Variants in CADM2 observed in about 807,000 individuals in gnomAD.
The protein encoded by CADM2 is cell adhesion molecule 2.
CADM2 carries 12 observed loss-of-function variants against 49.8 expected under a neutral mutation model. The ratio of observed to expected loss-of-function variants is 0.24; its 90% CI spans 0.15 to 0.39. The LOEUF is 0.39. CADM2 is among the 10% of genes least tolerant of loss of function. The probability of loss-of-function intolerance (pLI) is 1.00; values close to 1 mark genes in which losing one functional copy is unlikely to be tolerated. For missense variants in CADM2, 378 were observed against 492.3 expected (o/e 0.77, Z 2.20); for synonymous variants, 214 against 175.4 (o/e 1.22, Z -1.74).
At chr3:85,153,744 G>A (rs2040009501) in intron 1 of CADM2, among the ~76,000 whole-genome samples, 1 of 152,126 alleles carries the variant, frequency 6.6e-6, no homozygotes, top group African/African-American at 2.4e-5. Context: ...GGAGATCTGA[G>A]AACGGGCAGA....
At chr3:85,756,045 A>G (rs1056408412) in intron 2 of CADM2, among the ~76,000 whole-genome samples, 1 of 152,176 alleles carries the variant, frequency 6.6e-6, no homozygotes, top group Non-Finnish European at 1.5e-5. Context: ...CCTTGTTAGC[A>G]TAAACTCAAG....
At chr3:85,807,329 T>C (rs1033800013) in intron 3 of CADM2, among the ~76,000 whole-genome samples, 1 of 151,756 alleles carries the variant, frequency 6.6e-6, no homozygotes, top group African/African-American at 2.4e-5. Flanking sequence ...CGAAAAACCA[T>C]CTCTACTAAA....
chr3:85,570,332 A>G (rs1235713317), intron 1 of CADM2, among the ~76,000 whole-genome samples: 1 of 152,156 alleles, frequency 6.6e-6, no homozygotes, highest in African/African-American at 2.4e-5. Flanking sequence ...CAAGAAGAGC[A>G]CCAAATATTA....
intron 1 of CADM2, among the ~76,000 whole-genome samples, chr3:85,523,591 T>C (rs1331575391): frequency 1.3e-5 from 2 of 151,994 alleles, no homozygotes; most frequent in Non-Finnish European, 2.9e-5. Flanking sequence ...CTGAAATTTT[T>C]TTCTGGAGCT....
chr3:85,472,769 T>C (rs921510072), intron 1 of CADM2, among the ~76,000 whole-genome samples: 1 of 152,012 alleles, frequency 6.6e-6, no homozygotes, highest in African/African-American at 2.4e-5. Context: ...GATCCTATTA[T>C]TGTCACTCAT....
Position 84,959,154 on chromosome 3 carries a change from C to T in CADM2, c.-454C>T. 5.1e-6 allele frequency: 1 copy of T among 197,688 alleles called. No homozygotes were observed. The allele number at this position is 197,688 out of a possible 1,614,324, so 12.2% of individuals were successfully genotyped here. ...GACCCCGAGACACCCCGGGCGCGAG[C>T]GGCAGTGCTGCTTGCTTGCTCCTCC... On this transcript the variant is annotated 5_prime_UTR_variant, in exon 1 of 10. Transcript: ENST00000383699.
At chr3:85,920,012 C>A (rs866952186) in intron 6 of CADM2, among the ~76,000 whole-genome samples, 1 of 151,746 alleles carries the variant, frequency 6.6e-6, no homozygotes, top group Non-Finnish European at 1.5e-5. Flanking sequence ...TAATAAAGTT[C>A]TTATCTATGC....
At chr3:84,962,560 A>G (rs777789095) in intron 1 of CADM2, among the ~76,000 whole-genome samples, 1 of 152,164 alleles carries the variant, frequency 6.6e-6, no homozygotes, top group Non-Finnish European at 1.5e-5. Flanking sequence ...CATAGATTAA[A>G]TACTTAGCGG....
chr3:85,466,769 AT>A (rs895722770), intron 1 of CADM2, among the ~76,000 whole-genome samples: 29 of 151,392 alleles, frequency 1.9e-4, no homozygotes, highest in African/African-American at 5.8e-4. Flanking sequence ...ACCTTGCTGT[AT>A]TTTTTTTTCA....
At chr3:85,098,257 A>T (rs922465259) in intron 1 of CADM2, among the ~76,000 whole-genome samples, 1 of 46,254 alleles carries the variant, frequency 2.2e-5, no homozygotes, top group South Asian at 8.0e-4. Flanking sequence ...ATTATCGTAG[A>T]AAAAAAAAAA....
intron 1 of CADM2, among the ~76,000 whole-genome samples, chr3:85,222,766 C>A (rs1474262031): frequency 6.6e-6 from 1 of 152,082 alleles, no homozygotes; most frequent in Non-Finnish European, 1.5e-5. Context: ...ATAATGCTAG[C>A]ATTTACTATT....
At chr3:85,124,036 G>C (rs2038949649) in intron 1 of CADM2, among the ~76,000 whole-genome samples, 1 of 152,144 alleles carries the variant, frequency 6.6e-6, no homozygotes, top group Admixed American at 6.5e-5. Flanking sequence ...TGAGCACACT[G>C]AGTTATTTCC....
chr3:85,268,183 G>A (rs898548114), intron 1 of CADM2, among the ~76,000 whole-genome samples: 9 of 151,370 alleles, frequency 5.9e-5, no homozygotes, highest in African/African-American at 2.2e-4. Flanking sequence ...TCTAGGTAAA[G>A]CAAAAATGGC....
intron 3 of CADM2, among the ~76,000 whole-genome samples, chr3:85,843,468 C>G (rs1330661358): frequency 6.6e-6 from 1 of 151,460 alleles, no homozygotes; most frequent in South Asian, 2.1e-4. Context: ...TATCATTAAG[C>G]AAGATATTAA....
intron 1 of CADM2, among the ~76,000 whole-genome samples, chr3:85,392,680 TA>T (rs1408144597): frequency 1.3e-5 from 2 of 152,110 alleles, no homozygotes; most frequent in African/African-American, 2.4e-5. Context: ...GTATAAAAAG[TA>T]AAGTTCTTTT....
intron 1 of CADM2, among the ~76,000 whole-genome samples, chr3:85,558,348 A>T (rs1576799814): frequency 6.6e-6 from 1 of 152,046 alleles, no homozygotes; most frequent in Admixed American, 6.6e-5. Flanking sequence ...AATACTAAGT[A>T]CCTTATTTGG....
At chr3:85,303,840 T>C (rs1390085820) in intron 1 of CADM2, among the ~76,000 whole-genome samples, 1 of 151,890 alleles carries the variant, frequency 6.6e-6, no homozygotes, top group Non-Finnish European at 1.5e-5. Flanking sequence ...ATAAAGTGAT[T>C]CACAGCATTA....
At chr3:85,308,115 G>A (rs2044257464) in intron 1 of CADM2, among the ~76,000 whole-genome samples, 1 of 151,706 alleles carries the variant, frequency 6.6e-6, no homozygotes, top group Non-Finnish European at 1.5e-5. Flanking sequence ...GTGTCTGTTA[G>A]TTGCTTTAAA....
chr3:85,844,295 A>T (rs1394249642), intron 3 of CADM2, among the ~76,000 whole-genome samples: 2 of 152,090 alleles, frequency 1.3e-5, no homozygotes, highest in African/African-American at 4.8e-5. Flanking sequence ...AGAGTTCTCT[A>T]TATTTTACCA....
Sources: gnomAD v4.1 joint callset for allele counts (sites outside exome capture counted in the v4.1 genomes callset) on GRCh38, gnomAD v4.1.1 for gene constraint, MANE v1.5 for transcripts, NCBI Gene and HGNC (gene_info 2026-07-23, HGNC 2026-07-21) for gene names.